Variants in TAOK3 observed in about 807,000 individuals in gnomAD.
The protein encoded by TAOK3 is serine/threonine-protein kinase TAO3.
In TAOK3, 40 loss-of-function variants were observed where a neutral mutation model predicts 120.4. That is an observed-to-expected ratio of 0.33 (90% CI 0.26 to 0.43). The LOEUF is 0.43. Among genes scored for constraint, TAOK3 ranks in the 20% least tolerant of loss-of-function variants. TAOK3 has a pLI of 1.00. For synonymous variants in TAOK3, 355 were observed against 387.5 expected (o/e 0.92, Z 0.99); for missense variants, 821 against 1,112.1 (o/e 0.74, Z 3.72).
intron 1 of TAOK3, among the ~76,000 whole-genome samples, chr12:118,361,914 A>AATAAT (rs1566176845): frequency 2.1e-5 from 3 of 143,686 alleles, no homozygotes; most frequent in Non-Finnish European, 4.6e-5. Flanking sequence ...CTATTAATAA[A>AATAAT]AATAATAATA....
At chr12:118,354,615 C>G (rs1456905693) in intron 1 of TAOK3, among the ~76,000 whole-genome samples, 2 of 152,010 alleles carry the variant, frequency 1.3e-5, no homozygotes, top group South Asian at 2.1e-4. Context: ...CCACAATTCC[C>G]AAGCATTGTG....
chr12:118,249,391 GTC>G (rs1228951122), intron 3 of TAOK3, among the ~76,000 whole-genome samples: 1 of 151,958 alleles, frequency 6.6e-6, no homozygotes, highest in African/African-American at 2.4e-5. Context: ...GTGAAAGCCT[GTC>G]TCTACTAAAA....
chr12:118,300,932 C>A (rs575277439), intron 1 of TAOK3, among the ~76,000 whole-genome samples: 3 of 152,050 alleles, frequency 2.0e-5, no homozygotes, highest in Non-Finnish European at 4.4e-5. Context: ...TGTGCCACCA[C>A]GCCCGGCTAA....
At chr12:118,168,123 A>C (rs1434411133) in intron 17 of TAOK3, among the ~76,000 whole-genome samples, 1 of 152,212 alleles carries the variant, frequency 6.6e-6, no homozygotes, top group Non-Finnish European at 1.5e-5. Flanking sequence ...TATACATGCC[A>C]AATTAATGGA....
At chr12:118,340,991 AATT>A (rs2044593051) in intron 1 of TAOK3, among the ~76,000 whole-genome samples, 1 of 146,822 alleles carries the variant, frequency 6.8e-6, no homozygotes, top group Non-Finnish European at 1.5e-5. Context: ...TAATATATCT[AATT>A]TTTTTTTTTT....
chr12:118,312,523 T>A (rs896573880), intron 1 of TAOK3, among the ~76,000 whole-genome samples: 2 of 152,208 alleles, frequency 1.3e-5, no homozygotes, highest in African/African-American at 4.8e-5. Context: ...AAGGGATGTT[T>A]CTTGAAATTA....
chr12:118,213,726 C>G (rs1179290882), intron 10 of TAOK3, among the ~76,000 whole-genome samples: 2 of 151,956 alleles, frequency 1.3e-5, no homozygotes, highest in African/African-American at 4.8e-5. Flanking sequence ...CCATCATGAC[C>G]TGGGACAATA....
intron 1 of TAOK3, among the ~76,000 whole-genome samples, chr12:118,271,734 T>C (rs1003021704): frequency 1.3e-5 from 2 of 152,196 alleles, no homozygotes; most frequent in African/African-American, 4.8e-5. Context: ...TAGCAGATAT[T>C]CCATAAAAAT....
chr12:118,358,216 G>A (rs2045472604), intron 1 of TAOK3, among the ~76,000 whole-genome samples: 1 of 151,998 alleles, frequency 6.6e-6, no homozygotes, highest in South Asian at 2.1e-4. Context: ...TTCATTTTAT[G>A]GACTATAGTA....
At chr12:118,182,579 ATG>A (rs34798699) in intron 14 of TAOK3, among the ~76,000 whole-genome samples, 1,520 of 120,938 alleles carry the variant, frequency 0.013, 37 homozygotes, top group African/African-American at 0.043. Context: ...TGTTTTGTAT[ATG>A]TGTGTGTGTG....
intron 1 of TAOK3, among the ~76,000 whole-genome samples, chr12:118,340,211 T>C (rs1022717620): frequency 6.6e-6 from 1 of 152,222 alleles, no homozygotes; most frequent in Admixed American, 6.5e-5. Context: ...AAGATGCAGA[T>C]ACAGTTGAAT....
intron 19 of TAOK3, among the ~76,000 whole-genome samples, chr12:118,153,535 C>T (rs1345349556): frequency 1.3e-5 from 2 of 152,098 alleles, no homozygotes; most frequent in African/African-American, 2.4e-5. Flanking sequence ...GAGAATGAAC[C>T]AAGTAGAAGC....
rs5801274 is a variant in TAOK3 at position 118,235,678 on chromosome 12, G to GAA, written c.438-9_438-8dup. On this transcript the variant is annotated splice_polypyrimidine_tract_variant and splice_region_variant and intron_variant, in intron 7 of 20. Coordinates refer to ENST00000392533, the MANE Select transcript of TAOK3 (RefSeq NM_016281.4). ...ATTTCCTGCTTTAATATCCCTATAGGAAAAAAAAAAAGGGTTAGAAAATTA... is the reference window on the plus strand; with the variant it reads ...ATTTCCTGCTTTAATATCCCTATAGGAAAAAAAAAAAAAGGGTTAGAAAATTA... The GAA allele has an allele frequency of 7.1e-3, 9,309 of 1,311,160 alleles. No individual in the cohort carries two copies. Among genetic ancestry groups the GAA allele is most frequent in the Non-Finnish European group, 8.3e-3 (7,869 of 946,522 alleles). 81.2% of individuals were successfully genotyped at this position (1,311,160 alleles called of 1,614,324 possible). A position where few individuals can be genotyped will look rare whatever the true frequency, so the allele number is the denominator to read the frequency against.
intron 1 of TAOK3, among the ~76,000 whole-genome samples, chr12:118,307,157 A>C (rs1362409702): frequency 6.6e-6 from 1 of 152,188 alleles, no homozygotes; most frequent in African/African-American, 2.4e-5. Flanking sequence ...CCAATTGTGC[A>C]AGAAGCAATG....
chr12:118,160,419 T>C lies in TAOK3; in HGVS notation c.2140-61A>G. 2 of 1,382,388 alleles carry C rather than the reference T, an allele frequency of 1.4e-6. No homozygotes were observed. Among genetic ancestry groups the C allele is most frequent in the South Asian group, 1.2e-5 (1 of 83,500 alleles). 85.6% of individuals were successfully genotyped at this position (1,382,388 alleles called of 1,614,324 possible). On this transcript the variant is annotated intron_variant, in intron 18 of 20. Transcript: ENST00000392533. This position sits in a 1 kb window ranked among gnomAD's most constrained non-coding sequence, Gnocchi z 4.2. ...ACATCAGTAAATACAGAAAGCCTTC[T>C]ACCATAATGATATAATACAAGTGCT...
intron 1 of TAOK3, among the ~76,000 whole-genome samples, chr12:118,285,679 T>A (rs1356129014): frequency 6.6e-6 from 1 of 152,232 alleles, no homozygotes; most frequent in Non-Finnish European, 1.5e-5. Flanking sequence ...ATATAATTTT[T>A]AAATATTCTC....
intron 3 of TAOK3, chr12:118,246,232 C>T: frequency 1.4e-5 from 20 of 1,458,376 alleles, no homozygotes; most frequent in Non-Finnish European, 1.9e-5. Context: ...GGCCGCGGAG[C>T]TCGCGGAGGC....
At chr12:118,281,015 T>G (rs2042081145) in intron 1 of TAOK3, among the ~76,000 whole-genome samples, 1 of 152,188 alleles carries the variant, frequency 6.6e-6, no homozygotes, top group African/African-American at 2.4e-5. Flanking sequence ...TCTTCATATA[T>G]AGGAATGCTA....
intron 1 of TAOK3, among the ~76,000 whole-genome samples, chr12:118,341,475 T>G (rs1477714433): frequency 6.6e-6 from 1 of 152,118 alleles, no homozygotes; most frequent in Non-Finnish European, 1.5e-5. Context: ...AATAATGCAA[T>G]GCATTTTAAA....
Sources: gnomAD v4.1 joint callset for allele counts (sites outside exome capture counted in the v4.1 genomes callset) on GRCh38, gnomAD v4.1.1 for gene constraint, Gnocchi (gnomAD v3.1) non-coding constraint, MANE v1.5 for transcripts, NCBI Gene and HGNC (gene_info 2026-07-23, HGNC 2026-07-21) for gene names.